PARD3B: variants seen among roughly 807,000 people sequenced by gnomAD.
PARD3B encodes par-3 family cell polarity regulator beta, also known as partitioning defective 3 homolog B.
Under a neutral mutation model 130.2 loss-of-function variants are expected in PARD3B, and 103 were observed. The observed-to-expected ratio is 0.79, with a 90% CI of 0.67 to 0.93. The LOEUF (loss-of-function observed/expected upper bound fraction) is 0.93. PARD3B is among the 40% of genes least tolerant of loss of function. The pLI, the probability that PARD3B is intolerant of heterozygous loss-of-function variation, is 0.00. For synonymous variants in PARD3B, 583 were observed against 553.2 expected (o/e 1.05, Z -0.76); for missense variants, 1,609 against 1,499.2 (o/e 1.07, Z -1.21).
chr2:205,521,174 G>C (rs1392156628), intron 21 of PARD3B, among the ~76,000 whole-genome samples: 2 of 151,612 alleles, frequency 1.3e-5, no homozygotes, highest in African/African-American at 4.8e-5. Context: ...TATTAAAATT[G>C]AGTGTTTGTA....
intron 2 of PARD3B, among the ~76,000 whole-genome samples, chr2:204,940,873 T>A (rs188305050): frequency 1.3e-5 from 2 of 152,140 alleles, no homozygotes; most frequent in Admixed American, 1.3e-4. Flanking sequence ...GATAGTGTCC[T>A]TAGCCTAAGG....
intron 19 of PARD3B, among the ~76,000 whole-genome samples, chr2:205,427,730 GA>G (rs2047192503): frequency 1.3e-5 from 2 of 151,802 alleles, no homozygotes; most frequent in South Asian, 4.2e-4. Flanking sequence ...AAATAAAAAG[GA>G]AAAAACAATC....
intron 19 of PARD3B, among the ~76,000 whole-genome samples, chr2:205,420,913 C>A (rs572304900): frequency 6.6e-6 from 1 of 152,082 alleles, no homozygotes; most frequent in African/African-American, 2.4e-5. Context: ...GAGGCCCAGG[C>A]GGGCAGATCA....
intron 20 of PARD3B, among the ~76,000 whole-genome samples, chr2:205,486,012 G>C (rs575887564): frequency 1.3e-5 from 2 of 152,260 alleles, no homozygotes; most frequent in East Asian, 3.9e-4. Context: ...ATCCCTGAGG[G>C]TCAAGTCGGG....
chr2:205,550,951 A>G lies in PARD3B; in HGVS notation c.3181-2373A>G, dbSNP rs369128888. On this transcript the variant is annotated intron_variant, in intron 21 of 22. Transcript: ENST00000406610. This position sits in a 1 kb window ranked among gnomAD's most constrained non-coding sequence, Gnocchi z 4.5. ...TGTGTGTGTGTGTGTGTATATATAT[A>G]TGTGTATATATATATATATATATAT... Among the ~76,000 whole-genome samples, 353 of 77,482 alleles carry G rather than the reference A, an allele frequency of 4.6e-3. 2 individuals carry two copies. Among genetic ancestry groups the G allele is most frequent in the Middle Eastern group, 0.035 (4 of 114 alleles). The allele number at this position is 77,482 out of a possible 152,430, so 50.8% of individuals were successfully genotyped here. A position where few individuals can be genotyped will look rare whatever the true frequency, so the allele number is the denominator to read the frequency against.
intron 19 of PARD3B, among the ~76,000 whole-genome samples, chr2:205,415,806 T>C (rs980991517): frequency 2.0e-5 from 3 of 152,154 alleles, no homozygotes; most frequent in African/African-American, 7.2e-5. Context: ...CTCAAAGATA[T>C]ACTGAAAGAT....
chr2:204,952,647 G>A (rs1689870654), intron 2 of PARD3B, among the ~76,000 whole-genome samples: 1 of 152,062 alleles, frequency 6.6e-6, no homozygotes, highest in African/African-American at 2.4e-5. Flanking sequence ...TGAAAAAGAA[G>A]GGCAAAGAGT....
chr2:205,248,251 A>G (rs1296548955), intron 16 of PARD3B, among the ~76,000 whole-genome samples: 1 of 151,830 alleles, frequency 6.6e-6, no homozygotes, highest in Non-Finnish European at 1.5e-5. Flanking sequence ...CCACTCCCCC[A>G]ATTTTTTACA....
At chr2:205,414,054 G>A (rs1262207130) in intron 19 of PARD3B, among the ~76,000 whole-genome samples, 1 of 152,068 alleles carries the variant, frequency 6.6e-6, no homozygotes, top group Non-Finnish European at 1.5e-5. Context: ...AGAATTCATG[G>A]TGCTGATTGT....
At chr2:204,693,075 T>C (rs2037431356) in intron 2 of PARD3B, among the ~76,000 whole-genome samples, 1 of 152,096 alleles carries the variant, frequency 6.6e-6, no homozygotes, top group Non-Finnish European at 1.5e-5. Context: ...AGTTTCAAGT[T>C]GGCTTCTTCC....
intron 19 of PARD3B, among the ~76,000 whole-genome samples, chr2:205,412,370 A>G (rs1270419220): frequency 2.0e-5 from 3 of 152,216 alleles, no homozygotes; most frequent in African/African-American, 7.2e-5. Context: ...CCTCAACCAT[A>G]TTAAACAACA....
In PARD3B at chr2:204,675,772, T is replaced by C. The variant is rs962164666; in HGVS notation, c.121-10409T>C. 6.6e-6 allele frequency among the ~76,000 whole-genome samples: 1 copy of C among 152,200 alleles called. No individual in the cohort carries two copies. Among genetic ancestry groups the C allele is most frequent in the Non-Finnish European group, 1.5e-5 (1 of 68,030 alleles). ...GATATATGAACTAGGAAGTGAAATA[T>C]ATGTCTCAATACTTAAATATTTTTC... is the stretch of plus-strand genomic sequence containing the variant. On this transcript the variant is annotated intron_variant, in intron 1 of 22. Transcript: ENST00000406610. The surrounding 1 kb of genome is among the most constrained non-coding windows in gnomAD (Gnocchi z 4.4).
At chr2:204,992,440 T>A (rs1693796686) in intron 3 of PARD3B, among the ~76,000 whole-genome samples, 1 of 135,432 alleles carries the variant, frequency 7.4e-6, no homozygotes, top group Non-Finnish European at 1.6e-5. Flanking sequence ...GATCTATATC[T>A]CTGTTTTGGT....
At chr2:204,996,430 G>C (rs1266145714) in intron 3 of PARD3B, among the ~76,000 whole-genome samples, 22 of 152,268 alleles carry the variant, frequency 1.4e-4, no homozygotes, top group East Asian at 5.8e-4. Context: ...AGGAGGCAGT[G>C]TGCCGGTTCT....
At chr2:205,020,507 A>T (rs945561226) in intron 3 of PARD3B, among the ~76,000 whole-genome samples, 7 of 152,032 alleles carry the variant, frequency 4.6e-5, no homozygotes, top group African/African-American at 7.2e-5. Context: ...GAATTTCATA[A>T]ACACAGGCAG....
At position 205,085,620 on chromosome 2, in the gene PARD3B, G is replaced by A. The variant is rs146551687; in HGVS notation, c.505-18806G>A. Among the ~76,000 whole-genome samples, 364 of 151,534 alleles carry A rather than the reference G, an allele frequency of 2.4e-3. 2 individuals are homozygous for A. The highest frequency in any genetic ancestry group is 8.1e-3 in the African/African-American group (335 of 41,348). On this transcript the variant is annotated intron_variant, in intron 4 of 22. Coordinates refer to ENST00000406610, the MANE Select transcript of PARD3B (RefSeq NM_001302769.2). ...ACATTATCATTCATTGCTTTTCCTT[G>A]ACATTTATGTATTTTAAACAATAAC...
intron 15 of PARD3B, among the ~76,000 whole-genome samples, chr2:205,217,892 A>ATTTTTTT (rs1409391243): frequency 1.1e-4 from 3 of 28,064 alleles, no homozygotes; most frequent in African/African-American, 2.9e-4. Flanking sequence ...ATATATATAT[A>ATTTTTTT]TATTTTTTTT....
chr2:205,557,543 A>G (rs757741969), intron 22 of PARD3B, among the ~76,000 whole-genome samples: 17 of 152,160 alleles, frequency 1.1e-4, no homozygotes, highest in Non-Finnish European at 2.1e-4. Flanking sequence ...GGCCATGATT[A>G]TAGCCCCAGT....
intron 2 of PARD3B, among the ~76,000 whole-genome samples, chr2:204,827,161 TA>T: frequency 6.6e-6 from 1 of 152,350 alleles, no homozygotes; most frequent in South Asian, 2.1e-4. Context: ...ATTATTTGTG[TA>T]AAATTTGAAT....
Sources: allele counts gnomAD v4.1 joint callset (sites outside exome capture counted in the v4.1 genomes callset), GRCh38; gene constraint gnomAD v4.1.1; non-coding constraint Gnocchi (gnomAD v3.1); transcripts MANE v1.5; gene names NCBI Gene and HGNC (gene_info 2026-07-23, HGNC 2026-07-21).